The following ZNF398 variants were observed in gnomAD, a reference collection of about 807,000 sequenced individuals.
ZNF398 encodes the protein zinc finger protein 398.
In ZNF398, 18 loss-of-function variants were observed where a neutral mutation model predicts 41.9. That is an observed-to-expected ratio of 0.43 (90% confidence interval 0.30 to 0.64). ZNF398 has a LOEUF of 0.64. Among genes scored for constraint, ZNF398 ranks in the 30% least tolerant of loss-of-function variants. The pLI is 0.14. For synonymous variants in ZNF398, 260 were observed against 308.8 expected (o/e 0.84, Z 1.66); for missense variants, 669 against 822.8 (o/e 0.81, Z 2.29).
At chr7:149,133,900 C>T (rs1339692853) in intron 2 of ZNF398, among the ~76,000 whole-genome samples, 9 of 147,760 alleles carry the variant, frequency 6.1e-5, no homozygotes, top group South Asian at 2.1e-4. Flanking sequence ...TACAGGCATG[C>T]GCCACTGTGC....
At chr7:149,152,767 G>A (rs1794878329) in intron 1 of ZNF398, among the ~76,000 whole-genome samples, 2 of 151,450 alleles carry the variant, frequency 1.3e-5, no homozygotes, top group East Asian at 1.9e-4. Flanking sequence ...ATTTCTCCAC[G>A]TTGGTCAGGC....
intron 1 of ZNF398, among the ~76,000 whole-genome samples, chr7:149,128,246 A>G (rs1295397399): frequency 6.6e-6 from 1 of 152,152 alleles, no homozygotes; most frequent in Non-Finnish European, 1.5e-5. Flanking sequence ...TGGTTCTGTC[A>G]GGAAAGGCGG....
exon 1 of ZNF398, chr7:149,126,478 G>A (rs1826480008): frequency 3.6e-6 from 2 of 553,322 alleles, no homozygotes; most frequent in Non-Finnish European, 6.2e-6. Flanking sequence ...GGTCTTTGAG[G>A]GACCCTTGGA....
At chr7:149,128,369 G>A (rs185276613) in intron 1 of ZNF398, among the ~76,000 whole-genome samples, 1 of 152,220 alleles carries the variant, frequency 6.6e-6, no homozygotes, top group African/African-American at 2.4e-5. Context: ...TAAGATAAGG[G>A]GTTGTGGAGA....
At chr7:149,131,891 T>A (rs1306249722) in intron 2 of ZNF398, among the ~76,000 whole-genome samples, 2 of 152,184 alleles carry the variant, frequency 1.3e-5, no homozygotes, top group African/African-American at 4.8e-5. Flanking sequence ...TTAAACAGTT[T>A]TAGACATTTT....
chr7:149,131,453 A>G (rs543227534), intron 2 of ZNF398, among the ~76,000 whole-genome samples: 6 of 152,152 alleles, frequency 3.9e-5, no homozygotes, highest in African/African-American at 1.2e-4. Flanking sequence ...TTTGGGAGGC[A>G]GAGGCTGATG....
At chr7:149,150,269 A>G (rs62505076) in intron 1 of ZNF398, among the ~76,000 whole-genome samples, 1 of 152,160 alleles carries the variant, frequency 6.6e-6, no homozygotes, top group Non-Finnish European at 1.5e-5. Flanking sequence ...AAGTCTTACT[A>G]CTCAGTGTCA....
chr7:149,150,086 G>A (rs12540094), intron 1 of ZNF398, among the ~76,000 whole-genome samples: 88,526 of 151,958 alleles, frequency 0.58, 27,399 homozygotes, highest in East Asian at 0.9. Context: ...GGAGAGTTAA[G>A]ATTTAAATAG....
intron 2 of ZNF398, among the ~76,000 whole-genome samples, chr7:149,164,025 T>C (rs1259476896): frequency 7.3e-6 from 1 of 137,616 alleles, no homozygotes; most frequent in African/African-American, 2.8e-5. Context: ...GGCAGGAGGA[T>C]TGCTTGAACC....
chr7:149,170,041 T>C (rs184031333), intron 4 of ZNF398, among the ~76,000 whole-genome samples: 1 of 152,316 alleles, frequency 6.6e-6, no homozygotes, highest in African/African-American at 2.4e-5. Flanking sequence ...AAAAGCTCAT[T>C]AGAGACTCAG....
At chr7:149,139,657 G>A (rs1826782079) in intron 2 of ZNF398, among the ~76,000 whole-genome samples, 2 of 151,298 alleles carry the variant, frequency 1.3e-5, no homozygotes, top group Non-Finnish European at 2.9e-5. Context: ...GGAGGCGGAG[G>A]TTGCAGTGAG....
In ZNF398 at chr7:149,147,949, C is replaced by T. The variant is rs1826999387; in HGVS notation, c.24+183C>T. On this transcript the variant is annotated intron_variant, in intron 1 of 5. Coordinates refer to ENST00000475153, the MANE Select transcript of ZNF398 (RefSeq NM_170686.3). The surrounding 1 kb of genome is among the most constrained non-coding windows in gnomAD (Gnocchi z 5.6). ...GGGGACTTAGCGGGTGGGTGTGAAA[C>T]CGCCCACCCGGGGACACCAGGCTGG... Among the ~76,000 whole-genome samples the T allele has an allele frequency of 6.6e-6, 1 of 152,158 alleles. No homozygotes were observed. The highest frequency in any genetic ancestry group is 2.4e-5 in the African/African-American group (1 of 41,458).
chr7:149,176,496 G>A lies in ZNF398; in HGVS notation c.690G>A (p.Leu230=). The A allele has an allele frequency of 6.2e-7, 1 of 1,613,722 alleles. No individual in the cohort carries two copies. Among genetic ancestry groups the A allele is most frequent in the Non-Finnish European group, 8.5e-7 (1 of 1,179,912 alleles). Residue 230 remains leucine (L), a synonymous_variant, in exon 5 of 6, where the codon CTG becomes CTA. Transcript: ENST00000475153. ...EEPGISTSDI[L]SWIKQEEEPQ... ...CTGGTATTTCAACATCAGATATTCTGTCTTGGATTAAACAAGAAGAAGAGC... is the reference window on the plus strand; with the variant it reads ...CTGGTATTTCAACATCAGATATTCTATCTTGGATTAAACAAGAAGAAGAGC...
intron 5 of ZNF398, 70 bp from the exon 6 acceptor site, chr7:149,178,578 G>C: frequency 7.6e-7 from 1 of 1,314,886 alleles, no homozygotes; most frequent in South Asian, 1.4e-5. Flanking sequence ...GTTAGAGCTG[G>C]GTAGGAATGC....
At chr7:149,151,773 ATTTC>A (rs1017514997) in intron 1 of ZNF398, among the ~76,000 whole-genome samples, 1 of 150,282 alleles carries the variant, frequency 6.7e-6, no homozygotes, top group African/African-American at 2.5e-5. Flanking sequence ...TTCAACAAAA[ATTTC>A]TTTCTTTTTT....
chr7:149,155,734 T>TTTA (rs1563159643), intron 2 of ZNF398, among the ~76,000 whole-genome samples: 19 of 110,604 alleles, frequency 1.7e-4, no homozygotes, highest in Non-Finnish European at 2.8e-4. Context: ...TTTTTTAATT[T>TTTA]TTTTTTTTTT....
intron 2 of ZNF398, among the ~76,000 whole-genome samples, chr7:149,155,731 A>ATTTTTTTTTTTTTTTTTTTTTTTT (rs1235445656): frequency 1.8e-5 from 1 of 56,928 alleles, no homozygotes; most frequent in Non-Finnish European, 3.6e-5. Context: ...TTTTTTTTTA[A>ATTTTTTTTTTTTTTTTTTTTTTTT]TTTTTTTTTT....
At chr7:149,155,727 TTTAA>T (rs1563159599) in intron 2 of ZNF398, among the ~76,000 whole-genome samples, 1 of 62,982 alleles carries the variant, frequency 1.6e-5, no homozygotes, top group Non-Finnish European at 3.3e-5. Flanking sequence ...TTTTTTTTTT[TTTAA>T]TTTTTTTTTT....
intron 2 of ZNF398, among the ~76,000 whole-genome samples, chr7:149,131,312 C>G (rs564011302): frequency 6.6e-6 from 1 of 152,260 alleles, no homozygotes; most frequent in South Asian, 2.1e-4. Flanking sequence ...GCTCCTTGTC[C>G]ATTTTTCAAT....
Sources: gnomAD v4.1 joint callset for allele counts (sites outside exome capture counted in the v4.1 genomes callset) on GRCh38, gnomAD v4.1.1 for gene constraint, Gnocchi (gnomAD v3.1) non-coding constraint, MANE v1.5 for transcripts, NCBI Gene and HGNC (gene_info 2026-07-23, HGNC 2026-07-21) for gene names.